Variants in ANGPT2 observed in about 807,000 individuals in gnomAD.
ANGPT2 encodes the protein angiopoietin-2.
In ANGPT2, 28 loss-of-function variants were observed where a neutral mutation model predicts 62.9. That is an observed-to-expected ratio of 0.44 (90% confidence interval 0.33 to 0.61). ANGPT2 has a LOEUF of 0.61. Ranked by LOEUF, ANGPT2 falls within the 20% of genes least tolerant of loss-of-function variation. ANGPT2 has a pLI of 0.03. For missense variants in ANGPT2, 727 were observed against 594.9 expected, an observed-to-expected ratio of 1.22 and a Z score of -2.31; for synonymous variants, 284 against 207.8, an observed-to-expected ratio of 1.37 and a Z score of -3.15.
chr8:6,523,088 C>G (rs913529424), intron 3 of ANGPT2, among the ~76,000 whole-genome samples: 1 of 152,018 alleles, frequency 6.6e-6, no homozygotes, highest in Admixed American at 6.5e-5. Context: ...ACCTTCACCT[C>G]CCAGGTTCAA....
intron 1 of ANGPT2, among the ~76,000 whole-genome samples, chr8:6,545,212 G>A (rs535957324): frequency 9.2e-5 from 14 of 152,264 alleles, no homozygotes; most frequent in South Asian, 6.2e-4. Flanking sequence ...GCAGTGGCAC[G>A]AGGGAGCCTT....
At position 6,505,455 on chromosome 8, in the gene ANGPT2, AATAT is replaced by A. The variant is rs1244837805; in HGVS notation, c.1328-2198_1328-2195del. Among the ~76,000 whole-genome samples, 15 of 71,962 alleles carry A rather than the reference AATAT, an allele frequency of 2.1e-4. 3 individuals carry two copies. The highest frequency in any genetic ancestry group is 6.8e-4 in the African/African-American group (14 of 20,650). The allele number at this position is 71,962 out of a possible 152,430, so 47.2% of individuals were successfully genotyped here. On this transcript the variant is annotated intron_variant, in intron 8 of 8. Coordinates refer to ENST00000629816, the MANE Select transcript of ANGPT2 (RefSeq NM_001118887.2). Reference sequence around the variant, plus strand: ...ATATATATTCTTTATATACATATAGAATATATATATTCTTTACATATATAGAATA... The same window carrying A: ...ATATATATTCTTTATATACATATAGAATATATTCTTTACATATATAGAATA...
intron 1 of ANGPT2, among the ~76,000 whole-genome samples, chr8:6,534,083 C>T (rs1586440972): frequency 2.0e-5 from 3 of 152,240 alleles, no homozygotes; most frequent in African/African-American, 7.2e-5. Context: ...AGGCTGCCTC[C>T]CTGGCAGTCG....
At chr8:6,525,965 A>T (rs1818248132) in intron 3 of ANGPT2, among the ~76,000 whole-genome samples, 1 of 152,156 alleles carries the variant, frequency 6.6e-6, no homozygotes, top group South Asian at 2.1e-4. Flanking sequence ...CCAAGTGGGG[A>T]AACAGTATTC....
intron 1 of ANGPT2, among the ~76,000 whole-genome samples, chr8:6,562,118 C>T (rs1228467527): frequency 6.6e-6 from 1 of 152,196 alleles, no homozygotes; most frequent in Non-Finnish European, 1.5e-5. Context: ...AATTTCCTCT[C>T]GTTTACCAAG....
At chr8:6,554,960 A>T (rs1164745759) in intron 1 of ANGPT2, among the ~76,000 whole-genome samples, 1 of 152,232 alleles carries the variant, frequency 6.6e-6, no homozygotes, top group Non-Finnish European at 1.5e-5. Flanking sequence ...TATCTAATTA[A>T]AATATTAAAG....
In ANGPT2 at chr8:6,511,798, T is replaced by A. The variant is rs145899292; in HGVS notation, c.1196+1880A>T. Among the ~76,000 whole-genome samples, 22 of 152,326 alleles carry A rather than the reference T, an allele frequency of 1.4e-4. No homozygotes were observed. The East Asian group carries it at 4.0e-3, about 28-fold the overall frequency. On this transcript the variant is annotated intron_variant, in intron 7 of 8. Transcript: ENST00000629816. The stretch of plus-strand genomic sequence containing the variant: ...TAAAGGAAATATCTGTTAAGAACCA[T>A]CTCAGTTTAAAATATTTTTATAATG...
At chr8:6,561,800 A>G (rs1241335764) in intron 1 of ANGPT2, among the ~76,000 whole-genome samples, 1 of 152,226 alleles carries the variant, frequency 6.6e-6, no homozygotes, top group Admixed American at 6.5e-5. Context: ...TTATTTATGA[A>G]AGAAAAACAG....
intron 7 of ANGPT2, among the ~76,000 whole-genome samples, chr8:6,509,952 C>T (rs1374128862): frequency 2.0e-5 from 3 of 152,178 alleles, no homozygotes; most frequent in Non-Finnish European, 2.9e-5. Flanking sequence ...TGCCACATAT[C>T]ACTAGCCAGG....
At chr8:6,531,212 AGC>A (rs956968176) in intron 2 of ANGPT2, among the ~76,000 whole-genome samples, 2 of 150,044 alleles carry the variant, frequency 1.3e-5, no homozygotes, top group African/African-American at 4.9e-5. Flanking sequence ...TGCATCATTT[AGC>A]ATGTCTCTCG....
rs1486323671 is a variant in ANGPT2 at position 6,510,560 on chromosome 8, C to T, written c.1197-1498G>A. On this transcript the variant is annotated intron_variant, in intron 7 of 8. Transcript: ENST00000629816. ...CTTACACCTGCATGCACACTGGATGCTTATAACCACCTGCAGTGGTGGCCG... is the reference window on the plus strand; with the variant it reads ...CTTACACCTGCATGCACACTGGATGTTTATAACCACCTGCAGTGGTGGCCG... Among the ~76,000 whole-genome samples the T allele has an allele frequency of 2.0e-5, 3 of 152,212 alleles. No individual in the cohort carries two copies. In the East Asian group the frequency reaches 5.8e-4, roughly 29 times the overall value.
In ANGPT2 at chr8:6,562,876, T is replaced by C; in HGVS notation, c.59A>G (p.Asn20Ser). 6.2e-7 allele frequency: 1 copy of C among 1,611,184 alleles called. No individual in the cohort carries two copies. Among genetic ancestry groups the C allele is most frequent in the Non-Finnish European group, 8.5e-7 (1 of 1,177,628 alleles). Residue 20 changes from asparagine (N) to serine (S), a missense_variant, in exon 1 of 9, where the codon AAC becomes AGC. Asn to Ser is a conservative substitution (Grantham distance 46, BLOSUM62 1). Coordinates refer to ENST00000629816, the MANE Select transcript of ANGPT2 (RefSeq NM_001118887.2). ...SCDLVLAAAY[N>S]NFRKSMDSIG... ...GCTGTCCATGCTCTTCCGAAAGTTG[T>C]TATAGGCTGCGGCCAAGACAAGATC...
intron 1 of ANGPT2, among the ~76,000 whole-genome samples, chr8:6,560,853 A>T (rs947218821): frequency 4.6e-5 from 7 of 152,240 alleles, no homozygotes; most frequent in Admixed American, 1.3e-4. Flanking sequence ...TACCTAATGT[A>T]AGTTAATTAA....
In ANGPT2 at chr8:6,499,645, TGA is replaced by T. The variant is rs2129562274; in HGVS notation, c.*3454_*3455del. 9.5e-6 allele frequency: 5 copies of T among 528,318 alleles called. No homozygotes were observed. The East Asian group carries it at 1.6e-4, about 17-fold the overall frequency. The allele number at this position is 528,318 out of a possible 1,614,324, so 32.7% of individuals were successfully genotyped here. A position where few individuals can be genotyped will look rare whatever the true frequency, so the allele number is the denominator to read the frequency against. Reference sequence around the variant, plus strand: ...TAATGACTCAGATTTCTTGTTATCGTGAGACTTTTTCTCAATCAACTTTTTAT... The same window carrying T: ...TAATGACTCAGATTTCTTGTTATCGTGACTTTTTCTCAATCAACTTTTTAT... On this transcript the variant is annotated 3_prime_UTR_variant, in exon 9 of 9. Transcript: ENST00000629816.
In ANGPT2 at chr8:6,530,883, A is replaced by G. The variant is rs143964582; in HGVS notation, c.444+1449T>C. Among the ~76,000 whole-genome samples, 49 of 152,328 alleles carry G rather than the reference A, an allele frequency of 3.2e-4. No homozygotes were observed. The East Asian group carries it at 8.7e-3, about 27-fold the overall frequency. The stretch of plus-strand genomic sequence containing the variant: ...GAGTCTTACGAGAGTGGCAGGGCTT[A>G]TGGCATCTCCCCTCTCATGTCCTCT... On this transcript the variant is annotated intron_variant, in intron 2 of 8. Transcript: ENST00000629816.
Position 6,562,951 on chromosome 8 carries a change from A to G in ANGPT2, c.-17T>C. 6.4e-7 allele frequency: 1 copy of G among 1,565,448 alleles called. No individual in the cohort carries two copies. The highest frequency in any genetic ancestry group is 8.7e-7 in the Non-Finnish European group (1 of 1,147,116). On this transcript the variant is annotated 5_prime_UTR_variant, in exon 1 of 9. Coordinates refer to ENST00000629816, the MANE Select transcript of ANGPT2 (RefSeq NM_001118887.2). ...CTGCCACATTCTTTCTTCAGTAATA[A>G]ACCAGCAGCTTAGCAAACTTGAGGG... is the stretch of plus-strand genomic sequence containing the variant.
At chr8:6,524,952 C>G (rs914363675) in intron 3 of ANGPT2, among the ~76,000 whole-genome samples, 3 of 152,210 alleles carry the variant, frequency 2.0e-5, no homozygotes, top group Admixed American at 2.0e-4. Context: ...AGGGCAGACA[C>G]CCTGCTGTGG....
intron 1 of ANGPT2, among the ~76,000 whole-genome samples, chr8:6,554,717 T>G (rs968204686): frequency 6.6e-6 from 1 of 152,176 alleles, no homozygotes; most frequent in African/African-American, 2.4e-5. Flanking sequence ...ACCAGTCTGA[T>G]TTTGGAGAAA....
intron 1 of ANGPT2, among the ~76,000 whole-genome samples, chr8:6,548,628 G>GT (rs1447246417): frequency 6.6e-6 from 1 of 152,176 alleles, no homozygotes; most frequent in Non-Finnish European, 1.5e-5. Flanking sequence ...AATGATGGCC[G>GT]TAAGTCATAG....
Sources: gnomAD v4.1 joint callset for allele counts (sites outside exome capture counted in the v4.1 genomes callset) on GRCh38, gnomAD v4.1.1 for gene constraint, MANE v1.5 for transcripts, NCBI Gene and HGNC (gene_info 2026-07-23, HGNC 2026-07-21) for gene names.